ECE2: variants seen among roughly 807,000 people sequenced by gnomAD.
ECE2 encodes the protein endothelin-converting enzyme 2.
ECE2 carries 81 observed loss-of-function variants against 100.6 expected under a neutral mutation model. The ratio of observed to expected loss-of-function variants is 0.81; its 90% confidence interval spans 0.67 to 0.97. The LOEUF is 0.97. ECE2 is among the 50% of genes least tolerant of loss of function. The pLI is 0.00. For missense variants in ECE2, 911 were observed against 988.1 expected (o/e 0.92, Z 1.05); for synonymous variants, 391 against 391.5 (o/e 1.00, Z 0.02).
Position 184,276,508 on chromosome 3 carries a change from C to T in ECE2, c.67C>T (p.Arg23Trp), listed in dbSNP as rs1189082293. ...GGTGGAGTACAAACGGGCCACGCTT[C>T]GGGATGAAGACGCACCCGAGACCCC... ...NMVEYKRATL[R>W]DEDAPETPVE... is the part of the protein sequence containing the mutation. The change falls in exon 2 of 19, where the codon CGG (arginine) becomes TGG (tryptophan). Residue 23 changes from arginine (R) to tryptophan (W), a missense_variant. Transcript: ENST00000404464. The T allele has an allele frequency of 6.2e-7, 1 of 1,610,924 alleles. No individual in the cohort carries two copies. The highest frequency in any genetic ancestry group is 8.5e-7 in the Non-Finnish European group (1 of 1,179,716).
rs944153817 is a variant in ECE2 at position 184,289,682 on chromosome 3, C to T, written c.1515C>T (p.Ile505=). The stretch of plus-strand genomic sequence containing the variant: ...ATATGATTGGTTTCCCAGACTTTAT[C>T]CTGGAGCCCAAAGAGCTGGATGATG... ...IYDMIGFPDF[I]LEPKELDDVY... is the part of the protein sequence containing the mutation. The change falls in exon 13 of 19, where the codon ATC becomes ATT. Residue 505 remains isoleucine (I), a synonymous_variant. Coordinates refer to ENST00000404464, the MANE Select transcript of ECE2 (RefSeq NM_001100121.2). The surrounding 1 kb of genome is among the most constrained non-coding windows in gnomAD (Gnocchi z 4.1). The T allele has an allele frequency of 6.8e-6, 11 of 1,613,456 alleles. No homozygotes were observed. The highest frequency in any genetic ancestry group is 6.7e-5 in the African/African-American group (5 of 74,902).
intron 7 of ECE2, among the ~76,000 whole-genome samples, chr3:184,280,278 T>C (rs1720761812): frequency 6.6e-6 from 1 of 152,212 alleles, no homozygotes; most frequent in African/African-American, 2.4e-5. Context: ...TTGGTGCAAG[T>C]TGATTAATCT....
chr3:184,287,764 C>A, intron 10 of ECE2, 73 bp from the exon 11 acceptor site: 1 of 1,347,150 alleles, frequency 7.4e-7, no homozygotes, highest in Non-Finnish European at 1.1e-6. Flanking sequence ...CTGCTAGCCC[C>A]AGTGACAGAG....
At chr3:184,285,240 A>C in intron 9 of ECE2, 135 bp downstream of exon 9, 2 of 1,306,624 alleles carry the variant, frequency 1.5e-6, no homozygotes, top group Non-Finnish European at 2.1e-6. Flanking sequence ...CAGAATGTCT[A>C]TGGGCTTTTC....
Position 184,291,949 on chromosome 3 carries a change from C to A in ECE2, c.2122-113C>A. The A allele has an allele frequency of 7.7e-7, 1 of 1,303,410 alleles. No individual in the cohort carries two copies. Among genetic ancestry groups the A allele is most frequent in the Non-Finnish European group, 1.1e-6 (1 of 944,510 alleles). The allele number at this position is 1,303,410 out of a possible 1,614,324, so 80.7% of individuals were successfully genotyped here. On this transcript the variant is annotated intron_variant, in intron 18 of 18. Transcript: ENST00000404464. The surrounding 1 kb of genome is among the most constrained non-coding windows in gnomAD (Gnocchi z 4.1). ...ATGTCCAGGGCAGTTTTGGAAGGAA[C>A]TTGGGAGGGGCTGCAGCGGTGGTGG...
In ECE2 at chr3:184,291,191, G is replaced by A. The variant is rs114388448; in HGVS notation, c.1986G>A (p.Glu662=). Residue 662 remains glutamate (E), a synonymous_variant, in exon 17 of 19, where the codon GAG becomes GAA. Coordinates refer to ENST00000404464, the MANE Select transcript of ECE2 (RefSeq NM_001100121.2). The surrounding 1 kb of genome is among the most constrained non-coding windows in gnomAD (Gnocchi z 4.1). ...TCAACGGCCGCCAGACGCTGGGGGA[G>A]AACATTGCTGACAACGGGGGGCTGA... ...ERLNGRQTLG[E]NIADNGGLKA... is the part of the protein sequence containing the mutation. 4,605 of 1,613,652 alleles carry A rather than the reference G, an allele frequency of 2.9e-3. 8 individuals carry two copies. The highest frequency in any genetic ancestry group is 3.6e-3 in the Non-Finnish European group (4,279 of 1,179,824).
chr3:184,292,119 C>G lies in ECE2; in HGVS notation c.2179C>G (p.His727Asp), dbSNP rs751992044. Reference protein sequence around the residue: ...SSHEGLVTDPHSPARFRVLGT... With the variant: ...SSHEGLVTDPDSPARFRVLGT... Reference sequence around the variant, plus strand: ...TCACGAGGGGCTGGTGACCGACCCCCACAGCCCTGCCCGCTTCCGCGTGCT... The same window carrying G: ...TCACGAGGGGCTGGTGACCGACCCCGACAGCCCTGCCCGCTTCCGCGTGCT... The change falls in exon 19 of 19, where the codon CAC becomes GAC. Residue 727 changes from histidine to aspartate, a missense_variant. His to Asp is a moderately conservative substitution (Grantham distance 81). Transcript: ENST00000404464. 7 of 1,614,066 alleles carry G rather than the reference C, an allele frequency of 4.3e-6. No homozygotes were observed. Among genetic ancestry groups the G allele is most frequent in the Non-Finnish European group, 5.9e-6 (7 of 1,180,022 alleles).
Position 184,277,389 on chromosome 3 carries a change from T to C in ECE2, c.401T>C (p.Leu134Pro). ...SCGGWIRRNP[L>P]PDGRSRWNTF... ...GGGGGCTGGATTCGGAGGAACCCCC[T>C]GCCCGATGGGCGTTCTCGCTGGAAC... Residue 134 changes from leucine to proline, a missense_variant, in exon 4 of 19, where the codon CTG becomes CCG. Leu to Pro is a moderately conservative substitution (Grantham distance 98). Coordinates refer to ENST00000404464, the MANE Select transcript of ECE2 (RefSeq NM_001100121.2). The C allele has an allele frequency of 6.2e-7, 1 of 1,614,242 alleles. No individual in the cohort carries two copies. The highest frequency in any genetic ancestry group is 8.5e-7 in the Non-Finnish European group (1 of 1,180,040).
At position 184,277,393 on chromosome 3, in the gene ECE2, C is replaced by A; in HGVS notation, c.405C>A (p.Pro135=). The A allele has an allele frequency of 6.2e-7, 1 of 1,614,242 alleles. No individual in the cohort carries two copies. Among genetic ancestry groups the A allele is most frequent in the Non-Finnish European group, 8.5e-7 (1 of 1,180,046 alleles). The change falls in exon 4 of 19, where the codon CCC becomes CCA. Residue 135 remains proline (P), a synonymous_variant. Coordinates refer to ENST00000404464, the MANE Select transcript of ECE2 (RefSeq NM_001100121.2). ...GCTGGATTCGGAGGAACCCCCTGCC[C>A]GATGGGCGTTCTCGCTGGAACACCT... ...CGGWIRRNPL[P]DGRSRWNTFN...
chr3:184,276,380 G>A (rs1720548556), intron 1 of ECE2, 101 bp from the exon 2 acceptor site: 1 of 1,465,328 alleles, frequency 6.8e-7, no homozygotes, highest in Non-Finnish European at 9.3e-7. Flanking sequence ...GGCCCTCTTA[G>A]CAGGGCGGAG....
intron 11 of ECE2, among the ~76,000 whole-genome samples, chr3:184,288,181 G>A (rs1721145947): frequency 1.3e-5 from 2 of 151,780 alleles, no homozygotes; most frequent in Admixed American, 1.3e-4. Context: ...GTGGTGGCGG[G>A]TGTCTGTAAT....
At chr3:184,276,343 C>A in intron 1 of ECE2, 138 bp from the exon 2 acceptor site, 12 of 1,397,496 alleles carry the variant, frequency 8.6e-6, no homozygotes, top group South Asian at 1.4e-5. Context: ...ACCCCGGGCC[C>A]GAGAGCAGGG....
Position 184,290,544 on chromosome 3 carries a change from C to G in ECE2, c.1656-13C>G. On this transcript the variant is annotated splice_polypyrimidine_tract_variant and intron_variant, in intron 14 of 18. Coordinates refer to ENST00000404464, the MANE Select transcript of ECE2 (RefSeq NM_001100121.2). ...GAGTCGGGAGCCTCAGCCCCTCACT[C>G]TTCCTCCGCCAGGTGGAGCATGACC... 1.2e-6 allele frequency: 2 copies of G among 1,612,316 alleles called. No homozygotes were observed. The highest frequency in any genetic ancestry group is 1.7e-5 in the Admixed American group (1 of 59,928).
chr3:184,287,580 A>G (rs920589956), intron 10 of ECE2, among the ~76,000 whole-genome samples: 8 of 152,156 alleles, frequency 5.3e-5, no homozygotes, highest in Non-Finnish European at 7.3e-5. Flanking sequence ...CTGGGGTCCC[A>G]GCTATTCGAG....
chr3:184,289,853 C>A lies in ECE2; in HGVS notation c.1551+135C>A. 1.3e-6 allele frequency: 1 copy of A among 765,702 alleles called. No homozygotes were observed. Among genetic ancestry groups the A allele is most frequent in the Non-Finnish European group, 2.0e-6 (1 of 490,038 alleles). The allele number at this position is 765,702 out of a possible 1,614,324, so 47.4% of individuals were successfully genotyped here. A position where few individuals can be genotyped will look rare whatever the true frequency, so the allele number is the denominator to read the frequency against. ...TTTAGAGGCAGATGGAGGTAACCAGCATTGTTAAAATGTTGGCTCTGTGAC... is the reference window on the plus strand; with the variant it reads ...TTTAGAGGCAGATGGAGGTAACCAGAATTGTTAAAATGTTGGCTCTGTGAC... On this transcript the variant is annotated intron_variant, in intron 13 of 18. Coordinates refer to ENST00000404464, the MANE Select transcript of ECE2 (RefSeq NM_001100121.2). This position sits in a 1 kb window ranked among gnomAD's most constrained non-coding sequence, Gnocchi z 4.1.
At chr3:184,279,167 A>G (rs545651711) in intron 7 of ECE2, among the ~76,000 whole-genome samples, 12 of 151,958 alleles carry the variant, frequency 7.9e-5, no homozygotes, top group African/African-American at 2.9e-4. Context: ...AAAATTAGCC[A>G]GTCGTGGTGG....
intron 7 of ECE2, 81 bp downstream of exon 7, chr3:184,278,638 G>C (rs1489896761): frequency 6.7e-7 from 1 of 1,498,796 alleles, no homozygotes; most frequent in East Asian, 2.3e-5. Context: ...TTTGCCAAGG[G>C]TCAGAGCAGG....
At position 184,277,377 on chromosome 3, in the gene ECE2, G is replaced by C. The variant is rs369231995; in HGVS notation, c.389G>C (p.Arg130Pro). ...CAGTTCTCCTGTGGGGGCTGGATTC[G>C]GAGGAACCCCCTGCCCGATGGGCGT... The part of the protein sequence containing the change: ...FYQFSCGGWI[R>P]RNPLPDGRSR... The change falls in exon 4 of 19, where the codon CGG becomes CCG. Residue 130 changes from arginine (R) to proline (P), a missense_variant. By Grantham distance (103) the Arg-to-Pro change is moderately radical. Transcript: ENST00000404464. The C allele has an allele frequency of 2.5e-6, 4 of 1,614,118 alleles. No homozygotes were observed. The highest frequency in any genetic ancestry group is 3.4e-6 in the Non-Finnish European group (4 of 1,180,046).
Position 184,291,180 on chromosome 3 carries a change from A to T in ECE2, c.1975A>T (p.Thr659Ser), listed in dbSNP as rs190535133. The change falls in exon 17 of 19, where the codon ACG (threonine) becomes TCG (serine). Residue 659 changes from threonine to serine, a missense_variant. By Grantham distance (58) the Thr-to-Ser change is moderately conservative. Coordinates refer to ENST00000404464, the MANE Select transcript of ECE2 (RefSeq NM_001100121.2). This position sits in a 1 kb window ranked among gnomAD's most constrained non-coding sequence, Gnocchi z 4.1. ...TGGGGAGAGGCTCAACGGCCGCCAG[A>T]CGCTGGGGGAGAACATTGCTGACAA... ...VNGERLNGRQTLGENIADNGG... is the reference protein window; with the variant it reads ...VNGERLNGRQSLGENIADNGG... The T allele has an allele frequency of 6.2e-7, 1 of 1,613,860 alleles. No homozygotes were observed. The highest frequency in any genetic ancestry group is 1.3e-5 in the African/African-American group (1 of 75,060).
Sources: allele counts gnomAD v4.1 joint callset (sites outside exome capture counted in the v4.1 genomes callset), GRCh38; gene constraint gnomAD v4.1.1; non-coding constraint Gnocchi (gnomAD v3.1); transcripts MANE v1.5; gene names NCBI Gene and HGNC (gene_info 2026-07-23, HGNC 2026-07-21).